Variants in LRRN3 observed in about 807,000 individuals in gnomAD.
LRRN3 encodes the protein leucine rich repeat neuronal 3.
In LRRN3, 15 loss-of-function variants were observed where a neutral mutation model predicts 40.1. The observed-to-expected ratio is 0.37, with a 90% CI of 0.25 to 0.58. The LOEUF (loss-of-function observed/expected upper bound fraction) is 0.58. Ranked by LOEUF, LRRN3 falls within the 20% of genes least tolerant of loss-of-function variation. The pLI is 0.72. For synonymous variants in LRRN3, 308 were observed against 297.2 expected, an observed-to-expected ratio of 1.04 and a Z score of -0.37; for missense variants, 746 against 837.7, an observed-to-expected ratio of 0.89 and a Z score of 1.35.
In LRRN3 at chr7:111,098,260, G is replaced by A. The variant is rs140357506; in HGVS notation, c.-440-1621G>A. Among the ~76,000 whole-genome samples the A allele has an allele frequency of 4.8e-4, 73 of 151,788 alleles. 2 individuals carry two copies. In the East Asian group the frequency reaches 0.013, roughly 28 times the overall value. On this transcript the variant is annotated intron_variant, in intron 1 of 2. Coordinates refer to ENST00000308478, the MANE Select transcript of LRRN3 (RefSeq NM_001099658.2). ...CCTCTTATTGTCATTTATTACTCACGTATTTTTTACACAAACACCACAGTT... is the reference window on the plus strand; with the variant it reads ...CCTCTTATTGTCATTTATTACTCACATATTTTTTACACAAACACCACAGTT...
chr7:111,105,539 T>C (rs1798448901), intron 2 of LRRN3, among the ~76,000 whole-genome samples: 1 of 151,826 alleles, frequency 6.6e-6, no homozygotes, highest in Non-Finnish European at 1.5e-5. Context: ...CAAAAATGGG[T>C]TGCTGTAGCA....
chr7:111,102,398 C>A (rs17158330), intron 2 of LRRN3, among the ~76,000 whole-genome samples: 3,917 of 151,518 alleles, frequency 0.026, 170 homozygotes, highest in African/African-American at 0.09. Flanking sequence ...CTCTTAGCTG[C>A]TGGAGTTTAG....
chr7:111,105,918 C>T (rs1306393018), intron 2 of LRRN3, among the ~76,000 whole-genome samples: 1 of 151,892 alleles, frequency 6.6e-6, no homozygotes, highest in Non-Finnish European at 1.5e-5. Context: ...ATCAAATCTA[C>T]GCATGACACT....
rs1395449417 is a variant in LRRN3, at chr7:111,124,576, A to G, written c.1804A>G (p.Asn602Asp). The G allele has an allele frequency of 6.2e-7, 1 of 1,613,938 alleles. No homozygotes were observed. The highest frequency in any genetic ancestry group is 2.2e-5 in the East Asian group (1 of 44,816). Residue 602 changes from asparagine (N) to aspartate (D), a missense_variant, in exon 3 of 3, where the codon AAC (asparagine) becomes GAC (aspartate). Coordinates refer to ENST00000308478, the MANE Select transcript of LRRN3 (RefSeq NM_001099658.2). ...CIDIPTIYQKNRKKCVNVTTK... is the reference protein window; with the variant it reads ...CIDIPTIYQKDRKKCVNVTTK... The stretch of plus-strand genomic sequence containing the variant: ...TGATATTCCCACCATCTATCAGAAA[A>G]ACAGAAAAAAATGTGTAAATGTCAC...
In LRRN3 at chr7:111,122,780, A is replaced by G. The variant is rs1292058652; in HGVS notation, c.8A>G (p.Asp3Gly). 2.5e-6 allele frequency: 4 copies of G among 1,611,862 alleles called. No homozygotes were observed. Among genetic ancestry groups the G allele is most frequent in the Non-Finnish European group, 3.4e-6 (4 of 1,178,820 alleles). ...CTGAAGAAGAAAGCTAAGATGAAGGACATGCCACTCCGAATTCATGTGCTA... is the reference window on the plus strand; with the variant it reads ...CTGAAGAAGAAAGCTAAGATGAAGGGCATGCCACTCCGAATTCATGTGCTA... MK[D>G]MPLRIHVLLG... Residue 3 changes from aspartate to glycine, a missense_variant, in exon 3 of 3, where the codon GAC (aspartate) becomes GGC (glycine). Transcript: ENST00000308478.
At chr7:111,119,507 T>C (rs1800323167) in intron 2 of LRRN3, among the ~76,000 whole-genome samples, 1 of 152,188 alleles carries the variant, frequency 6.6e-6, no homozygotes, top group Non-Finnish European at 1.5e-5. Context: ...GATTAACTTT[T>C]CTCTTAAAGT....
rs1800968089 is a variant in LRRN3, at chr7:111,123,948, T to C, written c.1176T>C (p.Asp392=). The C allele has an allele frequency of 1.2e-6, 2 of 1,613,864 alleles. No homozygotes were observed. The highest frequency in any genetic ancestry group is 1.7e-6 in the Non-Finnish European group (2 of 1,180,008). ...NKTNIRFMEP[D]SLFCVDPPEF... Reference sequence around the variant, plus strand: ...CCAACATTCGATTCATGGAGCCAGATTCACTGTTTTGCGTGGACCCACCTG... The same window carrying C: ...CCAACATTCGATTCATGGAGCCAGACTCACTGTTTTGCGTGGACCCACCTG... Residue 392 remains aspartate (D), a synonymous_variant, in exon 3 of 3, where the codon GAT becomes GAC. Coordinates refer to ENST00000308478, the MANE Select transcript of LRRN3 (RefSeq NM_001099658.2). This position sits in a 1 kb window ranked among gnomAD's most constrained non-coding sequence, Gnocchi z 6.4.
chr7:111,103,239 G>A lies in LRRN3; in HGVS notation c.-359+3277G>A, dbSNP rs543789734. Among the ~76,000 whole-genome samples, 153 of 151,620 alleles carry A rather than the reference G, an allele frequency of 1.0e-3. No homozygotes were observed. In the Middle Eastern group the frequency reaches 0.01, roughly 10 times the overall value. ...TGTATTAGCATTTCTGCAGATTTATGGTTAATAATTGTACTTCTTTATCTC... is the reference window on the plus strand; with the variant it reads ...TGTATTAGCATTTCTGCAGATTTATAGTTAATAATTGTACTTCTTTATCTC... On this transcript the variant is annotated intron_variant, in intron 2 of 2. Coordinates refer to ENST00000308478, the MANE Select transcript of LRRN3 (RefSeq NM_001099658.2).
At chr7:111,106,441 T>C (rs1000791082) in intron 2 of LRRN3, among the ~76,000 whole-genome samples, 10 of 151,824 alleles carry the variant, frequency 6.6e-5, no homozygotes, top group Admixed American at 1.3e-4. Flanking sequence ...TGAGAAACTC[T>C]CTAAGAAAAA....
intron 2 of LRRN3, among the ~76,000 whole-genome samples, chr7:111,119,764 A>T (rs186585297): frequency 4.6e-5 from 7 of 152,222 alleles, no homozygotes; most frequent in Non-Finnish European, 7.4e-5. Flanking sequence ...AATGCCCAGA[A>T]GATAGGATGC....
rs1055822242 is a variant in LRRN3, at chr7:111,124,963, T to C, written c.*64T>C. On this transcript the variant is annotated 3_prime_UTR_variant, in exon 3 of 3. Coordinates refer to ENST00000308478, the MANE Select transcript of LRRN3 (RefSeq NM_001099658.2). The stretch of plus-strand genomic sequence containing the variant: ...AAAAAAAAGCGAAAGACTGCAGTTG[T>C]GCTAAAAACAAAACAAAACAAACAA... 2 of 1,139,802 alleles carry C rather than the reference T, an allele frequency of 1.8e-6. No individual in the cohort carries two copies. The highest frequency in any genetic ancestry group is 3.2e-5 in the African/African-American group (2 of 62,318). The allele number at this position is 1,139,802 out of a possible 1,614,324, so 70.6% of individuals were successfully genotyped here.
rs564395724 is a variant in LRRN3, at chr7:111,119,886, C to A, written c.-358-2529C>A. On this transcript the variant is annotated intron_variant, in intron 2 of 2. Coordinates refer to ENST00000308478, the MANE Select transcript of LRRN3 (RefSeq NM_001099658.2). ...GAGCCATGGGACCACTGTGAAGGGG[C>A]AGCTAAGTACATGTGGAGGGAGGGG... 5.3e-5 allele frequency among the ~76,000 whole-genome samples: 8 copies of A among 152,194 alleles called. No homozygotes were observed. In the South Asian group the frequency reaches 1.5e-3, roughly 28 times the overall value.
chr7:111,102,353 G>T (rs1040124941), intron 2 of LRRN3, among the ~76,000 whole-genome samples: 5 of 151,352 alleles, frequency 3.3e-5, no homozygotes, highest in Non-Finnish European at 7.4e-5. Flanking sequence ...AAACTCAGCA[G>T]TGCCTTATCT....
chr7:111,111,134 C>A (rs1799141796), intron 2 of LRRN3, among the ~76,000 whole-genome samples: 1 of 151,870 alleles, frequency 6.6e-6, no homozygotes, highest in South Asian at 2.1e-4. Context: ...GAGATGAATA[C>A]CAGGCTTCTA....
intron 2 of LRRN3, among the ~76,000 whole-genome samples, chr7:111,120,499 G>C (rs1027870349): frequency 1.3e-5 from 2 of 152,046 alleles, no homozygotes; most frequent in Admixed American, 1.3e-4. Context: ...ACAACACATG[G>C]GAATTATCGG....
intron 1 of LRRN3, among the ~76,000 whole-genome samples, chr7:111,094,573 C>T (rs995600030): frequency 1.3e-5 from 2 of 152,102 alleles, no homozygotes; most frequent in African/African-American, 4.8e-5. Flanking sequence ...CTAGGCAAAA[C>T]ATCAGTACAT....
In LRRN3 at chr7:111,124,455, A is replaced by G. The variant is rs771341706; in HGVS notation, c.1683A>G (p.Glu561=). 1 of 1,613,926 alleles carries G rather than the reference A, an allele frequency of 6.2e-7. No individual in the cohort carries two copies. Among genetic ancestry groups the G allele is most frequent in the Non-Finnish European group, 8.5e-7 (1 of 1,179,978 alleles). The change falls in exon 3 of 3, where the codon GAA becomes GAG. Residue 561 remains glutamate, a synonymous_variant. Transcript: ENST00000308478. ...AATGGACAGCCTTTGTCAAGACTGA[A>G]AATTCTCATGCTGCGCAAAGTGCTC... ...SVKWTAFVKT[E]NSHAAQSARI...
At chr7:111,106,840 C>A (rs1265352209) in intron 2 of LRRN3, among the ~76,000 whole-genome samples, 1 of 150,932 alleles carries the variant, frequency 6.6e-6, no homozygotes, top group Non-Finnish European at 1.5e-5. Flanking sequence ...TTCCACTGTT[C>A]TCAATTTAAA....
chr7:111,099,035 G>T (rs1797692165), intron 1 of LRRN3, among the ~76,000 whole-genome samples: 1 of 151,426 alleles, frequency 6.6e-6, no homozygotes, highest in Non-Finnish European at 1.5e-5. Context: ...TCTGAGTTTT[G>T]CTATCCACTA....
Sources: allele counts gnomAD v4.1 joint callset (sites outside exome capture counted in the v4.1 genomes callset), GRCh38; gene constraint gnomAD v4.1.1; non-coding constraint Gnocchi (gnomAD v3.1); transcripts MANE v1.5; gene names NCBI Gene and HGNC (gene_info 2026-07-23, HGNC 2026-07-21).